The following TMOD1 variants were observed in gnomAD, a reference collection of about 807,000 sequenced individuals.
TMOD1 encodes tropomodulin 1.
TMOD1 carries 17 observed loss-of-function variants against 40.6 expected under a neutral mutation model. The ratio of observed to expected loss-of-function variants is 0.42; its 90% confidence interval spans 0.29 to 0.63. The LOEUF (loss-of-function observed/expected upper bound fraction) is 0.63, where lower values mean the gene tolerates loss of function less well. Among genes scored for constraint, TMOD1 ranks in the 20% least tolerant of loss-of-function variants. TMOD1 has a pLI of 0.22. For missense variants in TMOD1, 391 were observed against 447.6 expected (o/e 0.87, Z 1.14); for synonymous variants, 181 against 175.0 (o/e 1.03, Z -0.27).
At position 97,595,327 on chromosome 9, in the gene TMOD1, C is replaced by T. The variant is rs139247953; in HGVS notation, c.1015+3892C>T. On this transcript the variant is annotated intron_variant, in intron 9 of 9. Coordinates refer to ENST00000259365, the MANE Select transcript of TMOD1 (RefSeq NM_003275.4). ...CAGAGCTTTATAAAACACCTTATTC[C>T]TCTTGTCCAACTGAGATTTTTGTAT... is the stretch of plus-strand genomic sequence containing the variant. Among the ~76,000 whole-genome samples the T allele has an allele frequency of 8.6e-4, 131 of 152,256 alleles. 1 individual carries two copies. The highest frequency in any genetic ancestry group is 1.7e-3 in the Non-Finnish European group (119 of 68,018).
chr9:97,535,949 C>T (rs369906214), intron 2 of TMOD1, among the ~76,000 whole-genome samples: 4 of 152,240 alleles, frequency 2.6e-5, no homozygotes, highest in East Asian at 3.9e-4. Context: ...TATGTTAGGG[C>T]AGAGGCTGTG....
At chr9:97,518,612 G>A (rs1829864532) in intron 1 of TMOD1, among the ~76,000 whole-genome samples, 1 of 152,200 alleles carries the variant, frequency 6.6e-6, no homozygotes, top group Non-Finnish European at 1.5e-5. Context: ...GGCTACCCTT[G>A]AGCCAGGCAC....
chr9:97,554,816 A>G (rs1244384053), intron 4 of TMOD1, among the ~76,000 whole-genome samples: 1 of 152,056 alleles, frequency 6.6e-6, no homozygotes, highest in Non-Finnish European at 1.5e-5. Context: ...AGTGTTGTGC[A>G]TGACTTTGGT....
At chr9:97,518,479 G>A (rs1227040268) in intron 1 of TMOD1, among the ~76,000 whole-genome samples, 3 of 152,232 alleles carry the variant, frequency 2.0e-5, no homozygotes, top group African/African-American at 7.2e-5. Flanking sequence ...GCATCCCCAG[G>A]AAACAAATAC....
intron 2 of TMOD1, among the ~76,000 whole-genome samples, chr9:97,544,897 C>T (rs1333646747): frequency 1.3e-5 from 2 of 150,752 alleles, no homozygotes; most frequent in African/African-American, 4.9e-5. Flanking sequence ...TAATCCCAGC[C>T]ACTCAGGAGG....
intron 8 of TMOD1, among the ~76,000 whole-genome samples, chr9:97,581,006 T>A (rs1214673641): frequency 3.7e-4 from 56 of 151,502 alleles, no homozygotes; most frequent in Middle Eastern, 3.4e-3. Context: ...TCTTTTTTTT[T>A]ATTATACTTT....
At chr9:97,516,301 A>T (rs1009797031) in intron 1 of TMOD1, 3 of 152,190 alleles carry the variant, frequency 2.0e-5, no homozygotes, top group Non-Finnish European at 2.9e-5. Context: ...ACACAGAGAG[A>T]TGTGGGGAGT....
At position 97,553,346 on chromosome 9, in the gene TMOD1, G is replaced by C; in HGVS notation, c.343G>C (p.Glu115Gln). ...PVLESVTLEP[E>Q]LEEALANASD... ...GCTGGAAAGTGTGACGCTGGAACCGGAGCTGGAGGAAGCCTTGGCAAATGC... is the reference window on the plus strand; with the variant it reads ...GCTGGAAAGTGTGACGCTGGAACCGCAGCTGGAGGAAGCCTTGGCAAATGC... Residue 115 changes from glutamate to glutamine, a missense_variant, in exon 4 of 10, where the codon GAG becomes CAG. Physicochemically the swap from Glu to Gln is conservative, Grantham distance 29 (BLOSUM62 2). Transcript: ENST00000259365. 1.9e-6 allele frequency: 3 copies of C among 1,614,240 alleles called. No individual in the cohort carries two copies. The highest frequency in any genetic ancestry group is 2.5e-6 in the Non-Finnish European group (3 of 1,180,042).
chr9:97,537,606 G>A (rs1372862226), intron 2 of TMOD1, among the ~76,000 whole-genome samples: 2 of 152,182 alleles, frequency 1.3e-5, no homozygotes, highest in Non-Finnish European at 2.9e-5. Context: ...CTGCCAAGCT[G>A]CACATCCGAG....
At chr9:97,595,976 A>G (rs1027814993) in intron 9 of TMOD1, among the ~76,000 whole-genome samples, 2 of 152,036 alleles carry the variant, frequency 1.3e-5, no homozygotes, top group African/African-American at 4.8e-5. Context: ...TGGGAGGCTG[A>G]GGCAGGAGGA....
chr9:97,576,956 C>G (rs2254733), intron 8 of TMOD1, among the ~76,000 whole-genome samples: 1 of 151,942 alleles, frequency 6.6e-6, no homozygotes. Context: ...GTTACTTCTA[C>G]GGAAGGGGGT....
At chr9:97,575,117 A>T (rs2131275767) in intron 8 of TMOD1, among the ~76,000 whole-genome samples, 1 of 152,100 alleles carries the variant, frequency 6.6e-6, no homozygotes. Context: ...GCCACTGCTC[A>T]CTCTTTGGGT....
intron 1 of TMOD1, among the ~76,000 whole-genome samples, chr9:97,511,066 G>A (rs964578259): frequency 2.3e-4 from 16 of 70,740 alleles, no homozygotes; most frequent in Non-Finnish European, 4.0e-4. Flanking sequence ...ATGCACCCGC[G>A]CGCGCACACA....
intron 8 of TMOD1, among the ~76,000 whole-genome samples, chr9:97,569,241 G>C (rs1303444716): frequency 6.6e-6 from 1 of 152,150 alleles, no homozygotes; most frequent in East Asian, 1.9e-4. Flanking sequence ...TGCTCTTCCA[G>C]TTCTGATTGA....
At chr9:97,511,085 GACACACACACAC>G (rs57982813) in intron 1 of TMOD1, among the ~76,000 whole-genome samples, 4 of 144,414 alleles carry the variant, frequency 2.8e-5, no homozygotes, top group African/African-American at 1.0e-4. Context: ...CACACACACA[GACACACACACAC>G]ACACACACAC....
At chr9:97,586,940 A>T (rs1178745078) in intron 8 of TMOD1, among the ~76,000 whole-genome samples, 3 of 152,186 alleles carry the variant, frequency 2.0e-5, no homozygotes, top group Admixed American at 6.5e-5. Flanking sequence ...GGTACCTCAG[A>T]TGGAAATGCA....
chr9:97,566,086 C>G, intron 7 of TMOD1, 131 bp downstream of exon 7: 1 of 723,152 alleles, frequency 1.4e-6, no homozygotes, highest in Non-Finnish European at 2.3e-6. Context: ...GGCATTGGAC[C>G]AGGAGCCATG....
At chr9:97,554,456 G>C (rs1303265980) in intron 4 of TMOD1, among the ~76,000 whole-genome samples, 1 of 152,076 alleles carries the variant, frequency 6.6e-6, no homozygotes, top group Non-Finnish European at 1.5e-5. Context: ...TGCTACAGGA[G>C]GTTCCCATTC....
Position 97,553,332 on chromosome 9 carries a change from T to C in TMOD1, c.329T>C (p.Val110Ala), listed in dbSNP as rs1488870856. ...QKPLDPVLES[V>A]TLEPELEEAL... ...CCACTGGATCCTGTGCTGGAAAGTG[T>C]GACGCTGGAACCGGAGCTGGAGGAA... The change falls in exon 4 of 10, where the codon GTG becomes GCG. Residue 110 changes from valine to alanine, a missense_variant. Coordinates refer to ENST00000259365, the MANE Select transcript of TMOD1 (RefSeq NM_003275.4). 1.2e-6 allele frequency: 2 copies of C among 1,614,188 alleles called. No individual in the cohort carries two copies. Among genetic ancestry groups the C allele is most frequent in the Admixed American group, 3.3e-5 (2 of 60,018 alleles).
Sources: gnomAD v4.1 joint callset for allele counts (sites outside exome capture counted in the v4.1 genomes callset) on GRCh38, gnomAD v4.1.1 for gene constraint, MANE v1.5 for transcripts, NCBI Gene and HGNC (gene_info 2026-07-23, HGNC 2026-07-21) for gene names.